The following CELF2 variants were observed in gnomAD, a reference collection of about 807,000 sequenced individuals.
CELF2 encodes the protein CUGBP Elav-like family member 2, also known as CUG triplet repeat RNA-binding protein 2.
In CELF2, 8 loss-of-function variants were observed where a neutral mutation model predicts 62.6. The observed-to-expected ratio is 0.13, with a 90% CI of 0.07 to 0.23. The LOEUF (loss-of-function observed/expected upper bound fraction) is 0.23. CELF2 is among the 10% of genes least tolerant of loss of function. CELF2 has a pLI of 1.00. For missense variants in CELF2, 333 were observed against 671.0 expected (o/e 0.50, Z 5.56); for synonymous variants, 258 against 250.0 (o/e 1.03, Z -0.30).
intron 8 of CELF2, among the ~76,000 whole-genome samples, chr10:11,275,659 G>C (rs979083388): frequency 2.0e-5 from 3 of 152,214 alleles, no homozygotes; most frequent in Non-Finnish European, 4.4e-5. Flanking sequence ...TCATGCATCA[G>C]AAGCTTTTAT....
At chr10:11,049,253 C>A (rs2063449157) in intron 1 of CELF2, among the ~76,000 whole-genome samples, 1 of 150,416 alleles carries the variant, frequency 6.6e-6, no homozygotes, top group Admixed American at 6.6e-5. Context: ...TTTCTCCTTA[C>A]AACTTCCTAA....
Position 11,165,060 on chromosome 10 carries a change from G to C in CELF2, c.75-426G>C. On this transcript the variant is annotated intron_variant, in intron 1 of 12. Coordinates refer to ENST00000633077, the MANE Select transcript of CELF2 (RefSeq NM_001326342.2). The surrounding 1 kb of genome is among the most constrained non-coding windows in gnomAD (Gnocchi z 7.4). ...GGCGGTGGGGCGGGGGGCGGGGCAG[G>C]GAGAGGGAGAGAAATCCAGCAGACA... 32 of 987,962 alleles carry C rather than the reference G, an allele frequency of 3.2e-5. No individual in the cohort carries two copies. The highest frequency in any genetic ancestry group is 3.9e-5 in the Non-Finnish European group (32 of 830,762). The allele number at this position is 987,962 out of a possible 1,614,324, so 61.2% of individuals were successfully genotyped here. A position where few individuals can be genotyped will look rare whatever the true frequency, so the allele number is the denominator to read the frequency against.
At chr10:11,197,450 T>C (rs1027663814) in intron 2 of CELF2, among the ~76,000 whole-genome samples, 5 of 152,242 alleles carry the variant, frequency 3.3e-5, no homozygotes, top group Non-Finnish European at 7.3e-5. Context: ...TGGTCCCTTA[T>C]TAAATGTCAC....
At chr10:10,467,568 T>C in the CELF2 span, among the ~76,000 whole-genome samples, 2 of 152,090 alleles carry the variant, frequency 1.3e-5, no homozygotes, top group Non-Finnish European at 2.9e-5. Flanking sequence ...CTCATTTTGA[T>C]ATAAATTTTA....
chr10:11,199,013 G>A (rs758386274), intron 2 of CELF2, among the ~76,000 whole-genome samples: 18 of 152,206 alleles, frequency 1.2e-4, no homozygotes, highest in Non-Finnish European at 2.2e-4. Flanking sequence ...GCCTTGTATA[G>A]ACCAAGAGTA....
At chr10:11,182,984 G>A (rs1189977979) in intron 2 of CELF2, among the ~76,000 whole-genome samples, 1 of 152,106 alleles carries the variant, frequency 6.6e-6, no homozygotes, top group Non-Finnish European at 1.5e-5. Flanking sequence ...AGACATAATT[G>A]ATATGCGGCA....
chr10:10,759,880 A>T, the CELF2 span, among the ~76,000 whole-genome samples: 1 of 152,212 alleles, frequency 6.6e-6, no homozygotes, highest in Non-Finnish European at 1.5e-5. Context: ...TAGAAATAGT[A>T]GTTAAAATAG....
At chr10:10,633,349 G>A in the CELF2 span, among the ~76,000 whole-genome samples, 2 of 152,164 alleles carry the variant, frequency 1.3e-5, no homozygotes, top group African/African-American at 4.8e-5. Context: ...ACTGCTTACA[G>A]GCTATGGTTC....
At chr10:11,088,256 G>A (rs1343685770) in intron 1 of CELF2, among the ~76,000 whole-genome samples, 1 of 152,230 alleles carries the variant, frequency 6.6e-6, no homozygotes, top group Non-Finnish European at 1.5e-5. Context: ...AAAGACATGA[G>A]AGGCAGAGTG....
At chr10:11,104,051 T>C (rs1474285409) in intron 1 of CELF2, among the ~76,000 whole-genome samples, 1 of 152,232 alleles carries the variant, frequency 6.6e-6, no homozygotes, top group African/African-American at 2.4e-5. Flanking sequence ...CACTACCCTT[T>C]TGCTCTTAGT....
At chr10:11,095,923 AT>A (rs770411021) in intron 1 of CELF2, among the ~76,000 whole-genome samples, 22 of 152,200 alleles carry the variant, frequency 1.4e-4, no homozygotes, top group East Asian at 1.2e-3. Flanking sequence ...TAAAAAAAAA[AT>A]ATCCTTAGAA....
chr10:10,948,157 T>G (rs944374402), intron 2 of CELF2: 3 of 152,248 alleles, frequency 2.0e-5, no homozygotes, highest in African/African-American at 4.8e-5. Flanking sequence ...ACCACTTCCA[T>G]AATACAGCCT....
the CELF2 span, among the ~76,000 whole-genome samples, chr10:10,748,926 T>A: frequency 4.0e-3 from 607 of 152,140 alleles, 26 homozygotes; most frequent in South Asian, 0.081. Flanking sequence ...GCAATAGGGT[T>A]TGCTGTGTTT....
At position 11,249,533 on chromosome 10, in the gene CELF2, T is replaced by C. The variant is rs116961527; in HGVS notation, c.403+332T>C. ...AACAAAGCAATACAGGGACATCTCATGGGGATCCAGAGGACGTCTGCAGGA... is the reference window on the plus strand; with the variant it reads ...AACAAAGCAATACAGGGACATCTCACGGGGATCCAGAGGACGTCTGCAGGA... On this transcript the variant is annotated intron_variant, in intron 4 of 12. Coordinates refer to ENST00000633077, the MANE Select transcript of CELF2 (RefSeq NM_001326342.2). 3.0e-3 allele frequency among the ~76,000 whole-genome samples: 461 copies of C among 151,816 alleles called. 9 individuals are homozygous for C. The East Asian group carries it at 0.044, about 14-fold the overall frequency.
chr10:10,959,580 A>G (rs934800694), intron 2 of CELF2, among the ~76,000 whole-genome samples: 1 of 152,222 alleles, frequency 6.6e-6, no homozygotes, highest in East Asian at 1.9e-4. Flanking sequence ...AAAACCAAAC[A>G]TGGATGGCAG....
At chr10:11,091,485 T>C (rs2048315261) in intron 1 of CELF2, among the ~76,000 whole-genome samples, 1 of 152,154 alleles carries the variant, frequency 6.6e-6, no homozygotes, top group African/African-American at 2.4e-5. Flanking sequence ...TTCAAGAAAG[T>C]TCATGTGCTT....
chr10:10,652,952 G>T, the CELF2 span, among the ~76,000 whole-genome samples: 40 of 152,264 alleles, frequency 2.6e-4, no homozygotes, highest in Non-Finnish European at 5.0e-4. Flanking sequence ...ACCCATCAGT[G>T]TGCTGTACTC....
the CELF2 span, among the ~76,000 whole-genome samples, chr10:10,537,721 G>A: frequency 6.6e-6 from 1 of 152,018 alleles, no homozygotes; most frequent in African/African-American, 2.4e-5. Flanking sequence ...CCCCATGAGT[G>A]GGTCTCACAT....
chr10:10,713,194 G>A, the CELF2 span, among the ~76,000 whole-genome samples: 2 of 152,166 alleles, frequency 1.3e-5, no homozygotes, highest in Non-Finnish European at 2.9e-5. Context: ...TAACCTGCTA[G>A]AGCAGCCCCA....
Sources: gnomAD v4.1 joint callset for allele counts (sites outside exome capture counted in the v4.1 genomes callset) on GRCh38, gnomAD v4.1.1 for gene constraint, Gnocchi (gnomAD v3.1) non-coding constraint, MANE v1.5 for transcripts, NCBI Gene and HGNC (gene_info 2026-07-23, HGNC 2026-07-21) for gene names.